Variants in PPFIA2 observed in about 807,000 individuals in gnomAD.
PPFIA2 encodes the protein liprin-alpha-2.
In PPFIA2, 46 loss-of-function variants were observed where a neutral mutation model predicts 175.5. That is an observed-to-expected ratio of 0.26 (90% confidence interval 0.21 to 0.34). PPFIA2 has a LOEUF of 0.34. Ranked by LOEUF, PPFIA2 falls within the 10% of genes least tolerant of loss-of-function variation. The pLI, the probability that PPFIA2 is intolerant of heterozygous loss-of-function variation, is 1.00. For synonymous variants in PPFIA2, 568 were observed against 511.4 expected (o/e 1.11, Z -1.49); for missense variants, 1,179 against 1,506.1 (o/e 0.78, Z 3.60).
At chr12:81,610,089 G>A (rs966608520) in intron 4 of PPFIA2, among the ~76,000 whole-genome samples, 2 of 152,144 alleles carry the variant, frequency 1.3e-5, no homozygotes, top group Non-Finnish European at 2.9e-5. Context: ...ACTGATAACA[G>A]TCTCCCTATC....
At chr12:81,518,044 C>G (rs2062678237) in intron 4 of PPFIA2, among the ~76,000 whole-genome samples, 1 of 152,036 alleles carries the variant, frequency 6.6e-6, no homozygotes, top group East Asian at 1.9e-4. Context: ...ACATATGCAA[C>G]AAACTTGCAC....
intron 3 of PPFIA2, among the ~76,000 whole-genome samples, chr12:81,697,265 C>T (rs1456689140): frequency 6.6e-6 from 1 of 151,674 alleles, no homozygotes; most frequent in African/African-American, 2.4e-5. Context: ...TTTTTTAGGC[C>T]CTTTAGGCTA....
intron 5 of PPFIA2, among the ~76,000 whole-genome samples, chr12:81,455,609 G>A (rs981018439): frequency 2.6e-5 from 4 of 151,996 alleles, no homozygotes; most frequent in African/African-American, 4.8e-5. Context: ...CAATAGCCTC[G>A]GGTATTTCTG....
chr12:81,480,595 T>G (rs2058092944), intron 4 of PPFIA2, among the ~76,000 whole-genome samples: 1 of 152,190 alleles, frequency 6.6e-6, no homozygotes, highest in South Asian at 2.1e-4. Flanking sequence ...GGGGTTTCTG[T>G]GTGGATGTCC....
rs2059309493 is a variant in PPFIA2, at chr12:81,347,738, A to G, written c.2027T>C (p.Leu676Ser). 6.2e-7 allele frequency: 1 copy of G among 1,613,830 alleles called. No individual in the cohort carries two copies. The highest frequency in any genetic ancestry group is 8.5e-7 in the Non-Finnish European group (1 of 1,179,806). The change falls in exon 18 of 33, where the codon TTG (leucine) becomes TCG (serine). Residue 676 changes from leucine (L) to serine (S), a missense_variant. By Grantham distance (145) the Leu-to-Ser change is moderately radical. Around this residue, in one of 10 missense-constraint regions of PPFIA2, gnomAD observed 223 missense variants for 241.6 expected, o/e 0.92. Coordinates refer to ENST00000549396, the MANE Select transcript of PPFIA2 (RefSeq NM_003625.5). ...LIQEEKESTE[L>S]RAEEIENRVA... ...TCTATTTTCAATTTCTTCAGCACGC[A>G]ACTCTGTAGATTCTTTTTCTTCCTG...
chr12:81,271,211 TTC>T (rs1242835489), intron 28 of PPFIA2, among the ~76,000 whole-genome samples: 1 of 152,288 alleles, frequency 6.6e-6, no homozygotes, highest in Admixed American at 6.5e-5. Flanking sequence ...TTTGTTCTTT[TTC>T]TCTCTTTCTT....
intron 7 of PPFIA2, among the ~76,000 whole-genome samples, chr12:81,438,914 T>C (rs2049604099): frequency 6.6e-6 from 1 of 152,114 alleles, no homozygotes; most frequent in East Asian, 1.9e-4. Flanking sequence ...CTAGGTCCTA[T>C]TTCTTCCATC....
intron 4 of PPFIA2, among the ~76,000 whole-genome samples, chr12:81,532,607 C>A (rs1198354485): frequency 4.0e-5 from 6 of 151,680 alleles, no homozygotes; most frequent in Non-Finnish European, 1.5e-5. Flanking sequence ...TTTACTCTAC[C>A]TACAAAAGAA....
At chr12:81,395,647 G>A (rs2040991316) in intron 8 of PPFIA2, among the ~76,000 whole-genome samples, 1 of 152,010 alleles carries the variant, frequency 6.6e-6, no homozygotes, top group Admixed American at 6.6e-5. Flanking sequence ...CAGGAATCCT[G>A]TCAGATTAAC....
In PPFIA2 at chr12:81,670,982, T is replaced by G. The variant is rs1361931022; in HGVS notation, c.303+5809A>C. Among the ~76,000 whole-genome samples, 3 of 151,990 alleles carry G rather than the reference T, an allele frequency of 2.0e-5. No homozygotes were observed. In the East Asian group the frequency reaches 5.8e-4, roughly 29 times the overall value. On this transcript the variant is annotated intron_variant, in intron 4 of 32. Coordinates refer to ENST00000549396, the MANE Select transcript of PPFIA2 (RefSeq NM_003625.5). ...CTTATAACTCTATATACATGTTTTT[T>G]GGGAGGATGATGTCATCAACTCCAA...
chr12:81,583,917 T>C, intron 4 of PPFIA2, among the ~76,000 whole-genome samples: 1 of 151,996 alleles, frequency 6.6e-6, no homozygotes, highest in East Asian at 1.9e-4. Flanking sequence ...AAATACTTCT[T>C]TACTTATGTT....
chr12:81,571,166 G>A (rs1365945590), intron 4 of PPFIA2, among the ~76,000 whole-genome samples: 1 of 151,914 alleles, frequency 6.6e-6, no homozygotes, highest in East Asian at 1.9e-4. Flanking sequence ...AATGATTCCA[G>A]GATTGAAAAT....
chr12:81,576,636 A>C (rs961101259), intron 4 of PPFIA2, among the ~76,000 whole-genome samples: 30 of 151,996 alleles, frequency 2.0e-4, no homozygotes, highest in African/African-American at 7.2e-4. Context: ...CAAACCCAAA[A>C]GTAAATAAAT....
At chr12:81,466,742 T>C (rs142963784) in intron 4 of PPFIA2, among the ~76,000 whole-genome samples, 389 of 151,968 alleles carry the variant, frequency 2.6e-3, no homozygotes, top group African/African-American at 8.7e-3. Context: ...GGGAACGTAT[T>C]TGGAGGCAAG....
chr12:81,331,898 G>A (rs947618828), intron 21 of PPFIA2, among the ~76,000 whole-genome samples: 19 of 152,098 alleles, frequency 1.2e-4, no homozygotes, highest in African/African-American at 3.1e-4. Flanking sequence ...TTGGTCAGAT[G>A]TGTTCTTGTT....
chr12:81,527,937 A>C (rs1258929570), intron 4 of PPFIA2, among the ~76,000 whole-genome samples: 1 of 152,044 alleles, frequency 6.6e-6, no homozygotes, highest in Non-Finnish European at 1.5e-5. Flanking sequence ...TAGCTTCCAG[A>C]ATTGTGAGAA....
chr12:81,589,913 C>T (rs2058480671), intron 4 of PPFIA2, among the ~76,000 whole-genome samples: 1 of 152,030 alleles, frequency 6.6e-6, no homozygotes, highest in Non-Finnish European at 1.5e-5. Context: ...TTTCACTCCT[C>T]ACTGAAAATT....
chr12:81,343,862 C>G (rs988599035), intron 19 of PPFIA2, among the ~76,000 whole-genome samples: 1 of 152,100 alleles, frequency 6.6e-6, no homozygotes, highest in African/African-American at 2.4e-5. Flanking sequence ...GGATGCTCCT[C>G]TAACCCTAGG....
At chr12:81,350,413 A>G (rs561261551) in intron 17 of PPFIA2, 1 of 152,278 alleles carries the variant, frequency 6.6e-6, no homozygotes, top group East Asian at 1.9e-4. Flanking sequence ...TAGTGAAGGT[A>G]AAGAACTGAA....
Sources: allele counts gnomAD v4.1 joint callset (sites outside exome capture counted in the v4.1 genomes callset), GRCh38; gene constraint gnomAD v4.1.1; regional missense constraint gnomAD v4.1.1; transcripts MANE v1.5; gene names NCBI Gene and HGNC (gene_info 2026-07-23, HGNC 2026-07-21).